The following ELP3 variants were observed in gnomAD, a reference collection of about 807,000 sequenced individuals.
ELP3 encodes elongator complex protein 3.
Under a neutral mutation model 74.9 loss-of-function variants are expected in ELP3, and 56 were observed. That is an observed-to-expected ratio of 0.75 (90% CI 0.60 to 0.93). ELP3 has a LOEUF of 0.93. Among genes scored for constraint, ELP3 ranks in the 40% least tolerant of loss-of-function variants. ELP3 has a pLI of 0.00. For synonymous variants in ELP3, 222 were observed against 239.8 expected, an observed-to-expected ratio of 0.93 and a Z score of 0.68; for missense variants, 573 against 686.5, an observed-to-expected ratio of 0.83 and a Z score of 1.85.
intron 10 of ELP3, among the ~76,000 whole-genome samples, chr8:28,140,803 C>T (rs929109151): frequency 1.3e-5 from 2 of 152,122 alleles, no homozygotes; most frequent in Non-Finnish European, 2.9e-5. Flanking sequence ...CTGTGACGTG[C>T]CTTCTGGAGA....
At chr8:28,144,102 G>A (rs1813343296) in intron 10 of ELP3, among the ~76,000 whole-genome samples, 1 of 152,072 alleles carries the variant, frequency 6.6e-6, no homozygotes, top group Admixed American at 6.5e-5. Context: ...TAATTTGCCA[G>A]TCATGAAATT....
At chr8:28,152,454 C>CT (rs1275123630) in intron 10 of ELP3, among the ~76,000 whole-genome samples, 1 of 152,140 alleles carries the variant, frequency 6.6e-6, no homozygotes, top group Non-Finnish European at 1.5e-5. Flanking sequence ...GCACAGACGT[C>CT]TTTAATTTTG....
chr8:28,141,613 T>A lies in ELP3; in HGVS notation c.1100+3722T>A, dbSNP rs139546896. Among the ~76,000 whole-genome samples, 576 of 152,314 alleles carry A rather than the reference T, an allele frequency of 3.8e-3. 2 individuals carry two copies. The highest frequency in any genetic ancestry group is 0.013 in the African/African-American group (539 of 41,550). ...TAAGAGAATATCCTCGTAGGAAATA[T>A]TTAAAGTATTCTCAGGGCGTTGGGA... On this transcript the variant is annotated intron_variant, in intron 10 of 14. Coordinates refer to ENST00000256398, the MANE Select transcript of ELP3 (RefSeq NM_018091.6).
chr8:28,150,967 G>T (rs1251445548), intron 10 of ELP3, among the ~76,000 whole-genome samples: 10 of 152,052 alleles, frequency 6.6e-5, no homozygotes, highest in African/African-American at 2.4e-4. Flanking sequence ...TGGGGATGTG[G>T]TCTCATTATG....
intron 3 of ELP3, among the ~76,000 whole-genome samples, chr8:28,102,349 A>C (rs1013135713): frequency 1.3e-5 from 2 of 152,186 alleles, no homozygotes; most frequent in African/African-American, 4.8e-5. Flanking sequence ...TTTCCAAAAA[A>C]TGTGAAATGC....
In ELP3 at chr8:28,113,181, ATTCT is replaced by A. The variant is rs2130398223; in HGVS notation, c.617+10_617+13del. 6.2e-7 allele frequency: 1 copy of A among 1,611,114 alleles called. No homozygotes were observed. The highest frequency in any genetic ancestry group is 1.1e-5 in the South Asian group (1 of 90,684). On this transcript the variant is annotated intron_variant, in intron 7 of 14. Transcript: ENST00000256398. ...TATTTACGAGGCAGTCAAGTAAGAA[ATTCT>A]TATTTTATCATAGTCTCCAGAGTGG...
intron 14 of ELP3, among the ~76,000 whole-genome samples, chr8:28,186,208 G>A (rs559355388): frequency 6.6e-6 from 1 of 152,240 alleles, no homozygotes; most frequent in African/African-American, 2.4e-5. Flanking sequence ...GGTGTTTAGT[G>A]GGTACAGAGT....
At chr8:28,101,365 A>G (rs1317318091) in intron 3 of ELP3, among the ~76,000 whole-genome samples, 1 of 152,036 alleles carries the variant, frequency 6.6e-6, no homozygotes, top group East Asian at 1.9e-4. Context: ...GCTTGCAGTG[A>G]GCTGAGATCA....
In ELP3 at chr8:28,189,803, G is replaced by T. The variant is rs1325400937; in HGVS notation, c.*78G>T. 9.4e-6 allele frequency: 14 copies of T among 1,487,042 alleles called. No homozygotes were observed. The highest frequency in any genetic ancestry group is 1.3e-5 in the Non-Finnish European group (14 of 1,068,100). The allele number at this position is 1,487,042 out of a possible 1,614,324, so 92.1% of individuals were successfully genotyped here. On this transcript the variant is annotated 3_prime_UTR_variant, in exon 15 of 15. Coordinates refer to ENST00000256398, the MANE Select transcript of ELP3 (RefSeq NM_018091.6). Reference sequence around the variant, plus strand: ...ATCAGGATTTCTTAAATACTCAACAGAGAGGCTGAGCAGAGCAAATGGGGG... The same window carrying T: ...ATCAGGATTTCTTAAATACTCAACATAGAGGCTGAGCAGAGCAAATGGGGG...
intron 11 of ELP3, among the ~76,000 whole-genome samples, chr8:28,157,620 C>A (rs981504445): frequency 1.3e-5 from 2 of 152,124 alleles, no homozygotes; most frequent in African/African-American, 4.8e-5. Context: ...AATACTATTA[C>A]TAGAAAAGCT....
Position 28,097,294 on chromosome 8 carries a change from AG to A in ELP3, c.99del (p.Asp35ThrfsTer4). 2 of 1,613,696 alleles carry A rather than the reference AG, an allele frequency of 1.2e-6. No homozygotes were observed. Among genetic ancestry groups the A allele is most frequent in the East Asian group, 4.5e-5 (2 of 44,866 alleles). ...AAACAACTGATTGAAGCCCACGAGC[AG>A]GGGAAAGACATCGATCTAAATAAGT... Reference protein sequence around the residue: ...VIKQLIEAHEQGKDIDLNKVK... With the variant: ...VIKQLIEAHEXGKDIDLNKVK... On this transcript the variant is annotated frameshift_variant, in exon 2 of 15. Coordinates refer to ENST00000256398, the MANE Select transcript of ELP3 (RefSeq NM_018091.6). LOFTEE classifies it high-confidence loss of function.
intron 5 of ELP3, 55 bp downstream of exon 5, chr8:28,108,031 G>T: frequency 6.8e-7 from 1 of 1,481,472 alleles, no homozygotes; most frequent in Non-Finnish European, 9.4e-7. Context: ...TTTACCTGTA[G>T]TATGGTTTTA....
chr8:28,103,640 C>T (rs922286480), intron 3 of ELP3, among the ~76,000 whole-genome samples: 7 of 152,258 alleles, frequency 4.6e-5, no homozygotes, highest in Admixed American at 1.3e-4. Context: ...AGCATGGCTG[C>T]ACCATTTTGC....
At chr8:28,128,195 C>T (rs184794213) in intron 7 of ELP3, among the ~76,000 whole-genome samples, 17 of 152,042 alleles carry the variant, frequency 1.1e-4, no homozygotes, top group South Asian at 1.0e-3. Context: ...AGATGTTGGC[C>T]GGGCGCAGTG....
upstream of ELP3, among the ~76,000 whole-genome samples, chr8:28,092,148 T>C (rs6558035): frequency 0.075 from 11,419 of 152,174 alleles, 814 homozygotes; most frequent in East Asian, 0.32. Flanking sequence ...CCTAGGGAGA[T>C]ATGTGGGCTT....
At chr8:28,143,034 A>G (rs988884743) in intron 10 of ELP3, among the ~76,000 whole-genome samples, 1 of 152,106 alleles carries the variant, frequency 6.6e-6, no homozygotes, top group African/African-American at 2.4e-5. Context: ...TATTTATTAT[A>G]TTTTGCTACT....
chr8:28,157,116 C>A (rs1310937342), intron 11 of ELP3, among the ~76,000 whole-genome samples: 3 of 152,120 alleles, frequency 2.0e-5, no homozygotes, highest in Non-Finnish European at 4.4e-5. Context: ...CGTTATCCAT[C>A]CATCTTCTTT....
chr8:28,153,755 T>G (rs1037455226), intron 10 of ELP3, among the ~76,000 whole-genome samples: 1 of 152,210 alleles, frequency 6.6e-6, no homozygotes, highest in Non-Finnish European at 1.5e-5. Context: ...TTAAAAACCG[T>G]GTTTTCTACC....
rs3213997 is a variant in ELP3, at chr8:28,110,339, A to G, written c.394-31A>G. On this transcript the variant is annotated intron_variant, in intron 5 of 14. Transcript: ENST00000256398. ...GAAACTACTTTTTAGTTTTAATTCA[A>G]TGTGGGCATAACAATATTTTTCTCT... 0.49 allele frequency: 768,537 copies of G among 1,575,612 alleles called. 195,424 individuals are homozygous for G. Among genetic ancestry groups the G allele is most frequent in the East Asian group, 0.9 (40,439 of 44,686 alleles).
Sources: allele counts gnomAD v4.1 joint callset (sites outside exome capture counted in the v4.1 genomes callset), GRCh38; gene constraint gnomAD v4.1.1; transcripts MANE v1.5; gene names NCBI Gene and HGNC (gene_info 2026-07-23, HGNC 2026-07-21).